ZFYVE16: variants seen among roughly 807,000 people sequenced by gnomAD.
ZFYVE16 encodes the protein zinc finger FYVE domain-containing protein 16.
A neutral mutation model predicts 138.1 loss-of-function variants in ZFYVE16; 89 were observed. That is an observed-to-expected ratio of 0.64 (90% CI 0.54 to 0.77). The LOEUF (loss-of-function observed/expected upper bound fraction) is 0.77. Among genes scored for constraint, ZFYVE16 ranks in the 30% least tolerant of loss-of-function variants. The probability of loss-of-function intolerance (pLI) is 0.00; values close to 1 mark genes in which losing one functional copy is unlikely to be tolerated. For synonymous variants in ZFYVE16, 596 were observed against 618.3 expected (o/e 0.96, Z 0.53); for missense variants, 1,793 against 1,786.7 (o/e 1.00, Z -0.06).
intron 15 of ZFYVE16, among the ~76,000 whole-genome samples, chr5:80,465,873 C>T (rs1753695780): frequency 1.3e-5 from 2 of 151,186 alleles, no homozygotes; most frequent in Admixed American, 6.6e-5. Context: ...ACTTGGAATT[C>T]TCTGTGATTC....
At chr5:80,453,141 A>T (rs920800783) in intron 11 of ZFYVE16, among the ~76,000 whole-genome samples, 4 of 152,172 alleles carry the variant, frequency 2.6e-5, no homozygotes, top group African/African-American at 9.7e-5. Context: ...AGAGAAAGAG[A>T]GAATCTATTT....
At chr5:80,424,401 G>C (rs1348978973) in intron 1 of ZFYVE16, among the ~76,000 whole-genome samples, 1 of 151,204 alleles carries the variant, frequency 6.6e-6, no homozygotes, top group Non-Finnish European at 1.5e-5. Context: ...TTTTGTCTCT[G>C]AGAATATTAA....
intron 6 of ZFYVE16, 116 bp from the exon 7 acceptor site, chr5:80,445,147 T>C: frequency 9.1e-7 from 1 of 1,103,188 alleles, no homozygotes. Context: ...GCCCTGAGAA[T>C]TCAGGGGTTG....
chr5:80,474,929 T>G (rs1754747007), intron 18 of ZFYVE16, 99 bp downstream of exon 18: 1 of 1,295,256 alleles, frequency 7.7e-7, no homozygotes, highest in African/African-American at 1.5e-5. Flanking sequence ...GAACGAAAAT[T>G]TGTTGAGCAT....
At chr5:80,412,204 G>C (rs1745553374) in intron 1 of ZFYVE16, among the ~76,000 whole-genome samples, 1 of 151,946 alleles carries the variant, frequency 6.6e-6, no homozygotes, top group East Asian at 1.9e-4. Context: ...TGTTGGTTTT[G>C]TTGGTTTTCT....
chr5:80,410,974 A>G (rs1745359307), intron 1 of ZFYVE16, among the ~76,000 whole-genome samples: 1 of 140,506 alleles, frequency 7.1e-6, no homozygotes, highest in South Asian at 2.3e-4. Context: ...ATTTTTATTG[A>G]TTTAGTTTTT....
At chr5:80,416,972 G>A (rs79298478) in intron 1 of ZFYVE16, among the ~76,000 whole-genome samples, 2,805 of 151,980 alleles carry the variant, frequency 0.018, 47 homozygotes, top group Non-Finnish European at 0.025. Context: ...TGTGACCATC[G>A]GTATCCATAT....
At position 80,423,829 on chromosome 5, in the gene ZFYVE16, C is replaced by T. The variant is rs920773078; in HGVS notation, c.-93-3663C>T. ...CTGGGATTACAGGCGTGAGCCACTG[C>T]GCCTGGCCGATTTCTGCTCTAATTT... On this transcript the variant is annotated intron_variant, in intron 1 of 18. Transcript: ENST00000505560. 1.1e-4 allele frequency among the ~76,000 whole-genome samples: 16 copies of T among 152,222 alleles called. No homozygotes were observed. In the East Asian group the frequency reaches 2.1e-3, roughly 20 times the overall value.
At position 80,480,956 on chromosome 5, in the gene ZFYVE16, CAGAG is replaced by C. The variant is rs1279613331; in HGVS notation, c.*3583_*3586del. Among the ~76,000 whole-genome samples the C allele has an allele frequency of 2.0e-5, 3 of 152,102 alleles. No homozygotes were observed. The highest frequency in any genetic ancestry group is 1.3e-4 in the Admixed American group (2 of 15,264). On this transcript the variant is annotated 3_prime_UTR_variant, in exon 19 of 19. Coordinates refer to ENST00000505560, the MANE Select transcript of ZFYVE16 (RefSeq NM_001284236.3). ...CAGGAAAACTGGAAATGCTAGCTGA[CAGAG>C]AGAAAAATAGTCCAAGGAACAATTT...
intron 11 of ZFYVE16, among the ~76,000 whole-genome samples, chr5:80,452,670 T>G (rs1752114249): frequency 3.3e-5 from 5 of 152,158 alleles, no homozygotes; most frequent in Admixed American, 3.3e-4. Context: ...GCAGTGCTAT[T>G]GTTTTCAGTT....
chr5:80,455,235 T>C (rs1332858023), intron 11 of ZFYVE16: 1 of 191,584 alleles, frequency 5.2e-6, no homozygotes, highest in Non-Finnish European at 1.1e-5. Context: ...ACACAGTAAG[T>C]GTTAATATTG....
chr5:80,432,220 C>G (rs1172533915), intron 2 of ZFYVE16, among the ~76,000 whole-genome samples: 5 of 152,176 alleles, frequency 3.3e-5, no homozygotes, highest in Non-Finnish European at 4.4e-5. Flanking sequence ...CAGCATGGTA[C>G]TGGTACCAAA....
rs1755239602 is a variant in ZFYVE16, at chr5:80,480,799, TGG to T, written c.*3423_*3424del. Among the ~76,000 whole-genome samples, 6 of 152,078 alleles carry T rather than the reference TGG, an allele frequency of 3.9e-5. No homozygotes were observed. The highest frequency in any genetic ancestry group is 1.4e-4 in the African/African-American group (6 of 41,402). ...TGCCAGGTGTGGTGGCTCATACTTGTGGTCCCAGCTTCACGGGGGCTGAGGTG... is the reference window on the plus strand; with the variant it reads ...TGCCAGGTGTGGTGGCTCATACTTGTTCCCAGCTTCACGGGGGCTGAGGTG... On this transcript the variant is annotated 3_prime_UTR_variant, in exon 19 of 19. Coordinates refer to ENST00000505560, the MANE Select transcript of ZFYVE16 (RefSeq NM_001284236.3).
chr5:80,421,386 A>G (rs1215388197), intron 1 of ZFYVE16, among the ~76,000 whole-genome samples: 2 of 152,274 alleles, frequency 1.3e-5, no homozygotes, highest in East Asian at 3.9e-4. Context: ...TATGTCCTGA[A>G]TGGTATTGCC....
In ZFYVE16 at chr5:80,449,665, A is replaced by T. The variant is rs1326248258; in HGVS notation, c.3178A>T (p.Thr1060Ser). The T allele has an allele frequency of 1.2e-6, 2 of 1,609,732 alleles. No individual in the cohort carries two copies. Among genetic ancestry groups the T allele is most frequent in the Non-Finnish European group, 1.7e-6 (2 of 1,178,020 alleles). ...TGAAGGTGAAAGCTTTCATCCTGTTACATTTGTCCTAAATGCTAATCTACT... is the reference window on the plus strand; with the variant it reads ...TGAAGGTGAAAGCTTTCATCCTGTTTCATTTGTCCTAAATGCTAATCTACT... ...LLEGESFHPV[T>S]FVLNANLLVN... The change falls in exon 9 of 19, where the codon ACA becomes TCA. Residue 1060 changes from threonine (T) to serine (S), a missense_variant. Physicochemically the swap from Thr to Ser is moderately conservative, Grantham distance 58. Around this residue, in one of 2 missense-constraint regions of ZFYVE16, gnomAD observed 498 missense variants for 582.4 expected, o/e 0.86. Transcript: ENST00000505560.
intron 1 of ZFYVE16, among the ~76,000 whole-genome samples, chr5:80,421,489 A>AT (rs1362398736): frequency 6.6e-6 from 1 of 152,112 alleles, no homozygotes; most frequent in Non-Finnish European, 1.5e-5. Context: ...TAAGGAAGGG[A>AT]TCCAGTTTCA....
At position 80,437,742 on chromosome 5, in the gene ZFYVE16, G is replaced by T. The variant is rs1750140641; in HGVS notation, c.1057G>T (p.Asp353Tyr). The T allele has an allele frequency of 1.9e-6, 3 of 1,614,090 alleles. No homozygotes were observed. The highest frequency in any genetic ancestry group is 1.3e-5 in the African/African-American group (1 of 75,046). The change falls in exon 4 of 19, where the codon GAT (aspartate) becomes TAT (tyrosine). Residue 353 changes from aspartate (D) to tyrosine (Y), a missense_variant. Around this residue, in one of 2 missense-constraint regions of ZFYVE16, gnomAD observed 1,295 missense variants for 1,204.3 expected, o/e 1.08. Transcript: ENST00000505560. Reference sequence around the variant, plus strand: ...AGACTCAAAAAGTTTAGACCTTAAGGATAATGATGTAATCCAAGATTCCTC... The same window carrying T: ...AGACTCAAAAAGTTTAGACCTTAAGTATAATGATGTAATCCAAGATTCCTC... ...QEDSKSLDLK[D>Y]NDVIQDSSSA...
intron 2 of ZFYVE16, among the ~76,000 whole-genome samples, chr5:80,433,447 A>C (rs543699981): frequency 6.6e-6 from 1 of 152,136 alleles, no homozygotes; most frequent in Non-Finnish European, 1.5e-5. Context: ...TGGTGTGGGG[A>C]GATGTGGGAG....
intron 2 of ZFYVE16, among the ~76,000 whole-genome samples, chr5:80,432,797 T>C (rs1335975013): frequency 1.3e-5 from 2 of 152,158 alleles, no homozygotes; most frequent in Non-Finnish European, 2.9e-5. Context: ...GAACAGACAC[T>C]TCTCAAAAGA....
Sources: gnomAD v4.1 joint callset for allele counts (sites outside exome capture counted in the v4.1 genomes callset) on GRCh38, gnomAD v4.1.1 for gene constraint, gnomAD v4.1.1 regional missense constraint, MANE v1.5 for transcripts, NCBI Gene and HGNC (gene_info 2026-07-23, HGNC 2026-07-21) for gene names.